Variants in NUBPL observed in about 807,000 individuals in gnomAD.
NUBPL encodes iron-sulfur cluster transfer protein NUBPL.
A neutral mutation model predicts 45.7 loss-of-function variants in NUBPL; 31 were observed. That is an observed-to-expected ratio of 0.68 (90% CI 0.51 to 0.92). The LOEUF (loss-of-function observed/expected upper bound fraction) is 0.92. Among genes scored for constraint, NUBPL ranks in the 40% least tolerant of loss-of-function variants. The pLI, the probability that NUBPL is intolerant of heterozygous loss-of-function variation, is 0.00. For synonymous variants in NUBPL, 144 were observed against 140.9 expected (o/e 1.02, Z -0.15); for missense variants, 401 against 398.7 (o/e 1.01, Z -0.05).
At chr14:31,855,224 T>TA (rs2040597984) in intron 10 of NUBPL, among the ~76,000 whole-genome samples, 1 of 152,236 alleles carries the variant, frequency 6.6e-6, no homozygotes. Context: ...AAGGTATTTA[T>TA]AAAGATGTAT....
At chr14:31,835,742 G>C (rs891233486) in intron 8 of NUBPL, among the ~76,000 whole-genome samples, 13 of 150,548 alleles carry the variant, frequency 8.6e-5, no homozygotes, top group African/African-American at 3.3e-4. Flanking sequence ...TTCTGAAAGA[G>C]AAAACAAGAA....
chr14:31,837,740 C>A (rs1010368156), intron 8 of NUBPL, among the ~76,000 whole-genome samples: 2 of 151,838 alleles, frequency 1.3e-5, no homozygotes, highest in African/African-American at 4.8e-5. Context: ...GCAAGAGACC[C>A]GAGCAGGCAC....
At chr14:31,756,181 G>A (rs77103174) in intron 6 of NUBPL, among the ~76,000 whole-genome samples, 65,837 of 151,758 alleles carry the variant, frequency 0.43, 17,187 homozygotes, top group East Asian at 0.6. Context: ...TTGGTGATGC[G>A]GGCTCTTTTT....
At chr14:31,724,776 A>C (rs1182303493) in intron 6 of NUBPL, among the ~76,000 whole-genome samples, 1 of 152,238 alleles carries the variant, frequency 6.6e-6, no homozygotes, top group African/African-American at 2.4e-5. Flanking sequence ...GTAGAGACAG[A>C]AACAAACAGA....
chr14:31,752,005 G>A (rs1336335933), intron 6 of NUBPL, among the ~76,000 whole-genome samples: 1 of 152,204 alleles, frequency 6.6e-6, no homozygotes, highest in Admixed American at 6.5e-5. Context: ...GCTGGAGCCT[G>A]GAGGAGCTGG....
intron 3 of NUBPL, among the ~76,000 whole-genome samples, chr14:31,591,530 AT>A (rs368258554): frequency 6.6e-6 from 1 of 151,704 alleles, no homozygotes; most frequent in Non-Finnish European, 1.5e-5. Flanking sequence ...CATGAAGTCT[AT>A]TTTTTTTGGA....
At chr14:31,576,397 G>T (rs957283518) in intron 3 of NUBPL, among the ~76,000 whole-genome samples, 1 of 152,156 alleles carries the variant, frequency 6.6e-6, no homozygotes, top group African/African-American at 2.4e-5. Flanking sequence ...GAGTAGCTGG[G>T]ACTATAGGTA....
intron 7 of NUBPL, among the ~76,000 whole-genome samples, chr14:31,813,427 C>G (rs573179557): frequency 6.9e-6 from 1 of 145,778 alleles, no homozygotes; most frequent in East Asian, 2.0e-4. Context: ...AACTTGTATT[C>G]TTTTTTGCTA....
At chr14:31,578,869 T>C (rs796720221) in intron 3 of NUBPL, among the ~76,000 whole-genome samples, 1 of 152,248 alleles carries the variant, frequency 6.6e-6, no homozygotes, top group South Asian at 2.1e-4. Flanking sequence ...GGAAGAACTG[T>C]ATCCTACTGT....
chr14:31,636,970 T>A (rs1318225967), intron 4 of NUBPL, among the ~76,000 whole-genome samples: 4 of 152,220 alleles, frequency 2.6e-5, no homozygotes, highest in Admixed American at 6.5e-5. Flanking sequence ...GTCTATTTGA[T>A]TCTTCTCTCT....
intron 4 of NUBPL, among the ~76,000 whole-genome samples, chr14:31,605,790 TTCC>T (rs754367805): frequency 9.3e-5 from 14 of 150,562 alleles, no homozygotes; most frequent in African/African-American, 2.0e-4. Flanking sequence ...CTTCTTTTCC[TTCC>T]TCCTCCTCCT....
At chr14:31,849,718 G>T (rs6571472) in intron 9 of NUBPL, among the ~76,000 whole-genome samples, 43,144 of 151,794 alleles carry the variant, frequency 0.28, 9,856 homozygotes, top group African/African-American at 0.64. Context: ...ACTTTTTTTT[G>T]AACTACTTTG....
intron 6 of NUBPL, among the ~76,000 whole-genome samples, chr14:31,751,580 T>A (rs1305631785): frequency 2.0e-5 from 3 of 152,254 alleles, no homozygotes; most frequent in African/African-American, 4.8e-5. Context: ...TGGCCAGCTC[T>A]GCCCCTGTGG....
intron 3 of NUBPL, among the ~76,000 whole-genome samples, chr14:31,595,949 C>T (rs1200754197): frequency 6.7e-6 from 1 of 149,544 alleles, no homozygotes; most frequent in Non-Finnish European, 1.5e-5. Context: ...CTCTGTTGCC[C>T]AGGCTGGAGT....
intron 3 of NUBPL, among the ~76,000 whole-genome samples, chr14:31,580,436 A>G (rs2033831561): frequency 6.6e-6 from 1 of 152,178 alleles, no homozygotes; most frequent in East Asian, 1.9e-4. Flanking sequence ...CAGCTTGAGC[A>G]ACATAGTGAG....
chr14:31,710,331 A>T (rs951154892), intron 6 of NUBPL, among the ~76,000 whole-genome samples: 4 of 151,742 alleles, frequency 2.6e-5, no homozygotes, highest in African/African-American at 9.7e-5. Flanking sequence ...GAATAGTTGC[A>T]CTCACCGATG....
rs917925126 is a variant in NUBPL, at chr14:31,782,136, C to A, written c.514-5644C>A. On this transcript the variant is annotated intron_variant, in intron 6 of 10. Coordinates refer to ENST00000281081, the MANE Select transcript of NUBPL (RefSeq NM_025152.3). ...ACCTGGCCAGGTGCAGTGCCTGACG[C>A]CTGTAATCCCAACAGTTTGGGAGGC... 1.2e-4 allele frequency among the ~76,000 whole-genome samples: 18 copies of A among 152,198 alleles called. No homozygotes were observed. In the East Asian group the frequency reaches 2.1e-3, roughly 18 times the overall value.
intron 7 of NUBPL, among the ~76,000 whole-genome samples, chr14:31,825,969 C>T (rs1187453557): frequency 2.0e-5 from 3 of 151,762 alleles, no homozygotes; most frequent in South Asian, 2.1e-4. Flanking sequence ...ATTACAGGCA[C>T]ATGTCACCAT....
At chr14:31,602,715 G>A (rs1383266490) in intron 4 of NUBPL, among the ~76,000 whole-genome samples, 2 of 152,072 alleles carry the variant, frequency 1.3e-5, no homozygotes, top group Non-Finnish European at 2.9e-5. Context: ...CATAGTAAGT[G>A]ATCAAAAATG....
Sources: allele counts gnomAD v4.1 joint callset (sites outside exome capture counted in the v4.1 genomes callset), GRCh38; gene constraint gnomAD v4.1.1; transcripts MANE v1.5; gene names NCBI Gene and HGNC (gene_info 2026-07-23, HGNC 2026-07-21).